BICC1: variants seen among roughly 807,000 people sequenced by gnomAD.
BICC1 encodes the protein BicC family RNA binding protein 1.
BICC1 carries 43 observed loss-of-function variants against 111.0 expected under a neutral mutation model. The ratio of observed to expected loss-of-function variants is 0.39; its 90% confidence interval spans 0.30 to 0.50. The LOEUF (loss-of-function observed/expected upper bound fraction) is 0.50, where lower values mean the gene tolerates loss of function less well. Ranked by LOEUF, BICC1 falls within the 20% of genes least tolerant of loss-of-function variation. The pLI is 0.88. For synonymous variants in BICC1, 467 were observed against 434.4 expected (o/e 1.07, Z -0.93); for missense variants, 1,091 against 1,203.2 (o/e 0.91, Z 1.38).
At chr10:58,534,744 A>T (rs1043591643) in intron 1 of BICC1, among the ~76,000 whole-genome samples, 2 of 151,770 alleles carry the variant, frequency 1.3e-5, no homozygotes, top group African/African-American at 4.8e-5. Context: ...TCAAACCAAG[A>T]TTAAATCTTT....
At chr10:58,669,161 T>C (rs1839105569) in intron 2 of BICC1, among the ~76,000 whole-genome samples, 3 of 151,942 alleles carry the variant, frequency 2.0e-5, no homozygotes, top group Non-Finnish European at 4.4e-5. Context: ...AAATGACAGT[T>C]CTTTTTTTTT....
chr10:58,820,438 G>T lies in BICC1; in HGVS notation c.2764G>T (p.Ala922Ser). 6.2e-7 allele frequency: 1 copy of T among 1,611,510 alleles called. No individual in the cohort carries two copies. Among genetic ancestry groups the T allele is most frequent in the African/African-American group, 1.3e-5 (1 of 74,934 alleles). Residue 922 changes from alanine (A) to serine (S), a missense_variant, in exon 20 of 21, where the codon GCC becomes TCC. By Grantham distance (99) the Ala-to-Ser change is moderately conservative. Transcript: ENST00000373886. Reference protein sequence around the residue: ...LKELGITTFGARRKMLLAISE... With the variant: ...LKELGITTFGSRRKMLLAISE... ...GGAGCTGGGAATAACTACTTTTGGT[G>T]CCAGGAGGAAAATGCTGCTTGCAAT...
intron 3 of BICC1, among the ~76,000 whole-genome samples, chr10:58,708,020 T>TTG (rs1840447581): frequency 6.7e-6 from 1 of 149,066 alleles, no homozygotes; most frequent in Non-Finnish European, 1.5e-5. Context: ...TTTTTTGTAT[T>TTG]TTTAGTAGAG....
intron 3 of BICC1, among the ~76,000 whole-genome samples, chr10:58,728,758 T>C (rs1841193530): frequency 6.6e-6 from 1 of 152,142 alleles, no homozygotes; most frequent in Non-Finnish European, 1.5e-5. Flanking sequence ...ATCCATGGGG[T>C]ACAGAAGGAA....
intron 2 of BICC1, among the ~76,000 whole-genome samples, chr10:58,683,991 G>A (rs1301564532): frequency 1.3e-5 from 2 of 152,140 alleles, no homozygotes; most frequent in African/African-American, 4.8e-5. Flanking sequence ...TGCCCATTCA[G>A]TATAAAATTG....
intron 15 of BICC1, among the ~76,000 whole-genome samples, 192 bp from the exon 16 acceptor site, chr10:58,806,392 A>T (rs1363814530): frequency 6.6e-6 from 1 of 152,158 alleles, no homozygotes; most frequent in Non-Finnish European, 1.5e-5. Flanking sequence ...ATTATTACTA[A>T]TTAATTAGTG....
At chr10:58,519,298 C>A (rs907401173) in intron 1 of BICC1, among the ~76,000 whole-genome samples, 7 of 152,168 alleles carry the variant, frequency 4.6e-5, no homozygotes, top group African/African-American at 1.7e-4. Flanking sequence ...ACAAAGAATT[C>A]TCTCTCCTGG....
chr10:58,559,862 A>C (rs1024617701), intron 1 of BICC1, among the ~76,000 whole-genome samples: 4 of 151,848 alleles, frequency 2.6e-5, no homozygotes, highest in Non-Finnish European at 5.9e-5. Context: ...GGTTTTGTTC[A>C]TTTTGTGATA....
chr10:58,769,392 G>A (rs1842554046), intron 3 of BICC1, among the ~76,000 whole-genome samples: 1 of 109,316 alleles, frequency 9.1e-6, no homozygotes. Context: ...GTGTGTGTGT[G>A]TGTGTGTGTG....
At position 58,753,273 on chromosome 10, in the gene BICC1, G is replaced by A. The variant is rs722520; in HGVS notation, c.308-31728G>A. The stretch of plus-strand genomic sequence containing the variant: ...AGACCCAATTTACCAGGCTTAAGCG[G>A]TTCCCCCACCTCAGCCTCCTGAGCA... On this transcript the variant is annotated intron_variant, in intron 3 of 20. Transcript: ENST00000373886. 7.9e-3 allele frequency among the ~76,000 whole-genome samples: 1,201 copies of A among 152,152 alleles called. 22 individuals are homozygous for A. The highest frequency in any genetic ancestry group is 0.027 in the African/African-American group (1,132 of 41,528).
chr10:58,682,113 C>G (rs571964432), intron 2 of BICC1, among the ~76,000 whole-genome samples: 2 of 149,434 alleles, frequency 1.3e-5, no homozygotes, highest in South Asian at 4.3e-4. Context: ...TGAGAACATG[C>G]AATGGTTGGT....
chr10:58,828,695 G>A, intron 20 of BICC1, 66 bp from the exon 21 acceptor site: 1 of 1,522,098 alleles, frequency 6.6e-7, no homozygotes, highest in Non-Finnish European at 8.9e-7. Flanking sequence ...GAGCTCTAGT[G>A]CCATGTCCTG....
chr10:58,523,749 A>G (rs1316078635), intron 1 of BICC1, among the ~76,000 whole-genome samples: 1 of 152,152 alleles, frequency 6.6e-6, no homozygotes, highest in African/African-American at 2.4e-5. Flanking sequence ...AATTAGGAAA[A>G]GAGGAAGTCA....
At chr10:58,651,413 C>T (rs77364045) in intron 2 of BICC1, among the ~76,000 whole-genome samples, 1,740 of 152,282 alleles carry the variant, frequency 0.011, 12 homozygotes, top group Middle Eastern at 0.048. Flanking sequence ...TCTGTGCTTC[C>T]ATCCTGAAAG....
At chr10:58,594,190 G>A (rs1388636581) in intron 1 of BICC1, among the ~76,000 whole-genome samples, 1 of 151,948 alleles carries the variant, frequency 6.6e-6, no homozygotes, top group Non-Finnish European at 1.5e-5. Context: ...AGGATAAAAA[G>A]GAATGAACAA....
At chr10:58,772,509 A>G (rs540371363) in intron 3 of BICC1, among the ~76,000 whole-genome samples, 10 of 152,366 alleles carry the variant, frequency 6.6e-5, no homozygotes, top group African/African-American at 2.4e-4. Context: ...TGAACCAAAG[A>G]TAAATACCAG....
intron 2 of BICC1, among the ~76,000 whole-genome samples, chr10:58,692,659 G>T (rs1399324562): frequency 2.0e-5 from 3 of 152,132 alleles, no homozygotes; most frequent in African/African-American, 7.2e-5. Context: ...TCTTTTTGTT[G>T]TATAATTTAC....
At chr10:58,666,408 C>CA (rs1839011553) in intron 2 of BICC1, among the ~76,000 whole-genome samples, 2 of 152,246 alleles carry the variant, frequency 1.3e-5, no homozygotes, top group Non-Finnish European at 2.9e-5. Context: ...TATAAGGACT[C>CA]AAATATAGAA....
chr10:58,722,183 C>T (rs1303672991), intron 3 of BICC1, among the ~76,000 whole-genome samples: 2 of 152,170 alleles, frequency 1.3e-5, no homozygotes, highest in Admixed American at 1.3e-4. Context: ...ATCCGGTTTC[C>T]ATGAGCAGTC....
Sources: allele counts gnomAD v4.1 joint callset (sites outside exome capture counted in the v4.1 genomes callset), GRCh38; gene constraint gnomAD v4.1.1; transcripts MANE v1.5; gene names NCBI Gene and HGNC (gene_info 2026-07-23, HGNC 2026-07-21).